Variants in CHP1 observed in about 807,000 individuals in gnomAD.
The protein encoded by CHP1 is calcineurin like EF-hand protein 1.
In CHP1, 11 loss-of-function variants were observed where a neutral mutation model predicts 27.4. The observed-to-expected ratio is 0.40, with a 90% CI of 0.25 to 0.67. The LOEUF (loss-of-function observed/expected upper bound fraction) is 0.67, where lower values mean the gene tolerates loss of function less well. CHP1 is among the 30% of genes least tolerant of loss of function. CHP1 has a pLI of 0.38. For synonymous variants in CHP1, 89 were observed against 87.4 expected (o/e 1.02, Z -0.10); for missense variants, 169 against 251.3 (o/e 0.67, Z 2.22).
intron 1 of CHP1, among the ~76,000 whole-genome samples, chr15:41,235,136 G>A (rs1016729372): frequency 1.3e-5 from 2 of 151,990 alleles, no homozygotes; most frequent in Non-Finnish European, 1.5e-5. Context: ...AGGTGTAATC[G>A]GGGATAAAGC....
intron 1 of CHP1, among the ~76,000 whole-genome samples, chr15:41,238,142 C>A (rs1012352133): frequency 2.0e-5 from 3 of 151,922 alleles, no homozygotes; most frequent in Admixed American, 6.6e-5. Flanking sequence ...TTAACAGGGT[C>A]TTTTTTTGTT....
chr15:41,240,545 G>A (rs1595471009), intron 1 of CHP1, among the ~76,000 whole-genome samples: 1 of 152,116 alleles, frequency 6.6e-6, no homozygotes, highest in Non-Finnish European at 1.5e-5. Context: ...CCCGAGGTTG[G>A]GAGTTTAAGA....
chr15:41,236,851 C>CA (rs1187537672), intron 1 of CHP1, among the ~76,000 whole-genome samples: 1 of 142,226 alleles, frequency 7.0e-6, no homozygotes, highest in Non-Finnish European at 1.5e-5. Flanking sequence ...TTTTTTGAGA[C>CA]AGAGTCTTGC....
intron 5 of CHP1, among the ~76,000 whole-genome samples, chr15:41,272,023 G>A (rs919034412): frequency 2.6e-5 from 4 of 151,948 alleles, no homozygotes; most frequent in Non-Finnish European, 5.9e-5. Context: ...CACCACGCCC[G>A]GCCCATGTTT....
chr15:41,256,754 A>G, intron 2 of CHP1, 156 bp from the exon 3 acceptor site: 1 of 651,468 alleles, frequency 1.5e-6, no homozygotes, highest in South Asian at 1.8e-5. Flanking sequence ...GCAGCTATTA[A>G]AGTGCTATTC....
At chr15:41,272,800 G>A (rs2047497348) in intron 5 of CHP1, among the ~76,000 whole-genome samples, 1 of 151,768 alleles carries the variant, frequency 6.6e-6, no homozygotes, top group African/African-American at 2.4e-5. Flanking sequence ...TGTAATCCCA[G>A]CACTTTTGGA....
intron 3 of CHP1, among the ~76,000 whole-genome samples, chr15:41,262,333 G>A (rs2047437871): frequency 6.6e-6 from 1 of 152,068 alleles, no homozygotes; most frequent in Admixed American, 6.6e-5. Flanking sequence ...ATTACTGCAG[G>A]GGAGATGGGG....
intron 5 of CHP1, 75 bp downstream of exon 5, chr15:41,270,693 C>T: frequency 8.7e-7 from 1 of 1,154,328 alleles, no homozygotes; most frequent in South Asian, 1.2e-5. Flanking sequence ...CTATTCTTTC[C>T]TTTAGTAAGC....
At chr15:41,270,267 G>C (rs1323937033) in intron 4 of CHP1, among the ~76,000 whole-genome samples, 3 of 138,862 alleles carry the variant, frequency 2.2e-5, no homozygotes, top group Non-Finnish European at 4.7e-5. Context: ...GGAGTGTTTT[G>C]GGGGGGGGCG....
At chr15:41,277,652 G>C (rs940420798) in intron 5 of CHP1, among the ~76,000 whole-genome samples, 3 of 152,156 alleles carry the variant, frequency 2.0e-5, no homozygotes, top group South Asian at 2.1e-4. Context: ...GCTGGGTGTG[G>C]TGTCACATCC....
At chr15:41,238,623 G>A (rs1174614865) in intron 1 of CHP1, among the ~76,000 whole-genome samples, 1 of 151,570 alleles carries the variant, frequency 6.6e-6, no homozygotes, top group Non-Finnish European at 1.5e-5. Flanking sequence ...GGTGGATCAC[G>A]AGGTCGGGAG....
At chr15:41,261,530 T>C (rs555536193) in intron 3 of CHP1, among the ~76,000 whole-genome samples, 2 of 152,256 alleles carry the variant, frequency 1.3e-5, no homozygotes, top group East Asian at 3.9e-4. Context: ...ACTTTTCTTT[T>C]TTCCACATTT....
intron 2 of CHP1, among the ~76,000 whole-genome samples, chr15:41,245,114 T>G (rs887709489): frequency 4.6e-5 from 7 of 152,158 alleles, no homozygotes; most frequent in Non-Finnish European, 7.3e-5. Flanking sequence ...AAATCTACCT[T>G]CTTTTTCTCT....
intron 2 of CHP1, among the ~76,000 whole-genome samples, chr15:41,254,726 C>T (rs986430444): frequency 6.6e-6 from 1 of 152,210 alleles, no homozygotes; most frequent in Non-Finnish European, 1.5e-5. Flanking sequence ...TGGAGAAGAG[C>T]TTGCTGAGTT....
rs1415899432 is a variant in CHP1 at position 41,264,258 on chromosome 15, A to G, written c.349+1375A>G. On this transcript the variant is annotated intron_variant, in intron 4 of 6. Transcript: ENST00000334660. ...AATGTAAGTCCTTCCCCTCACTTTG[A>G]TAAGTCAGTTCAGGTCAGGAGAGTG... The G allele has an allele frequency of 3.9e-6, 5 of 1,266,566 alleles. No individual in the cohort carries two copies. The African/African-American group carries it at 4.6e-5, about 12-fold the overall frequency. 78.5% of individuals were successfully genotyped at this position (1,266,566 alleles called of 1,614,324 possible).
At chr15:41,247,031 T>G (rs75189962) in intron 2 of CHP1, among the ~76,000 whole-genome samples, 4,510 of 135,814 alleles carry the variant, frequency 0.033, 255 homozygotes, top group African/African-American at 0.12. Flanking sequence ...AAAAAAAAAA[T>G]GTTGAAAACT....
intron 2 of CHP1, among the ~76,000 whole-genome samples, chr15:41,247,779 C>T (rs1165947785): frequency 6.6e-6 from 1 of 151,850 alleles, no homozygotes; most frequent in African/African-American, 2.4e-5. Context: ...ACCAACCTGG[C>T]TAACACAGTG....
chr15:41,231,692 G>A (rs1422661142), intron 1 of CHP1, among the ~76,000 whole-genome samples: 3 of 151,998 alleles, frequency 2.0e-5, no homozygotes, highest in East Asian at 1.9e-4. Flanking sequence ...CTCGTAGAGC[G>A]TCGACGCCCC....
At chr15:41,266,872 T>C (rs1044135078) in intron 4 of CHP1, among the ~76,000 whole-genome samples, 3 of 151,984 alleles carry the variant, frequency 2.0e-5, no homozygotes, top group African/African-American at 7.3e-5. Context: ...TGGTGGTGGA[T>C]ACCTGTAATC....
Sources: allele counts gnomAD v4.1 joint callset (sites outside exome capture counted in the v4.1 genomes callset), GRCh38; gene constraint gnomAD v4.1.1; transcripts MANE v1.5; gene names NCBI Gene and HGNC (gene_info 2026-07-23, HGNC 2026-07-21).